The following NRXN1 variants were observed in gnomAD, a reference collection of about 807,000 sequenced individuals.
The protein encoded by NRXN1 is neurexin 1.
In NRXN1, 39 loss-of-function variants were observed where a neutral mutation model predicts 150.9. The observed-to-expected ratio is 0.26, with a 90% CI of 0.20 to 0.34. The LOEUF is 0.34. Among genes scored for constraint, NRXN1 ranks in the 10% least tolerant of loss-of-function variants. NRXN1 has a pLI of 1.00. For missense variants in NRXN1, 1,815 were observed against 1,949.9 expected (o/e 0.93, Z 1.30); for synonymous variants, 924 against 757.0 (o/e 1.22, Z -3.62).
intron 17 of NRXN1, among the ~76,000 whole-genome samples, chr2:50,451,020 A>T (rs577344004): frequency 6.6e-6 from 1 of 152,296 alleles, no homozygotes; most frequent in South Asian, 2.1e-4. Context: ...CCCTCTGTTG[A>T]GTGCAGTGGC....
chr2:50,872,855 C>T (rs1053560753), intron 5 of NRXN1, among the ~76,000 whole-genome samples: 1 of 151,688 alleles, frequency 6.6e-6, no homozygotes, highest in Non-Finnish European at 1.5e-5. Context: ...GTAGTCCTAG[C>T]TACATGTAGT....
chr2:50,069,937 A>G (rs1356221752), intron 19 of NRXN1, among the ~76,000 whole-genome samples: 2 of 143,256 alleles, frequency 1.4e-5, no homozygotes, highest in East Asian at 2.1e-4. Flanking sequence ...TGCAAGCTCC[A>G]CCTCCCGAGT....
chr2:50,503,323 AAAAG>A (rs1020799670), intron 13 of NRXN1, among the ~76,000 whole-genome samples: 3 of 151,894 alleles, frequency 2.0e-5, no homozygotes, highest in Non-Finnish European at 2.9e-5. Flanking sequence ...AACAAAAAAA[AAAAG>A]AAAGAAAGAA....
At chr2:50,273,670 A>G (rs2070015594) in intron 17 of NRXN1, among the ~76,000 whole-genome samples, 1 of 152,176 alleles carries the variant, frequency 6.6e-6, no homozygotes. Flanking sequence ...TTAGTCAAGT[A>G]TAACCTTAAT....
chr2:50,897,268 C>T (rs918021357), intron 5 of NRXN1, among the ~76,000 whole-genome samples: 2 of 152,152 alleles, frequency 1.3e-5, no homozygotes, highest in East Asian at 1.9e-4. Context: ...TAATGCCAAA[C>T]GTCGTACTGT....
intron 21 of NRXN1, among the ~76,000 whole-genome samples, chr2:49,990,760 C>G (rs182356462): frequency 6.6e-6 from 1 of 152,032 alleles, no homozygotes; most frequent in Admixed American, 6.6e-5. Context: ...TTCCTAATAC[C>G]TGATTCACAG....
At chr2:49,929,903 C>A (rs1669825594) in intron 22 of NRXN1, among the ~76,000 whole-genome samples, 1 of 152,134 alleles carries the variant, frequency 6.6e-6, no homozygotes. Context: ...AGGAATCACA[C>A]AGTTAAAGTA....
At chr2:50,479,489 G>A (rs982419183) in intron 15 of NRXN1, among the ~76,000 whole-genome samples, 1 of 152,060 alleles carries the variant, frequency 6.6e-6, no homozygotes, top group Non-Finnish European at 1.5e-5. Flanking sequence ...GTATGTGTAA[G>A]CCTTATGTAA....
rs550215688 is a variant in NRXN1, at chr2:50,038,005, G to T, written c.4128+15266C>A. On this transcript the variant is annotated intron_variant, in intron 21 of 22. Transcript: ENST00000401669. ...GTGAAAAGAAATTACTTGAAATGTA[G>T]TGGGCATTCTACATTTCAAGAAAGA... Among the ~76,000 whole-genome samples the T allele has an allele frequency of 2.6e-5, 4 of 152,236 alleles. No individual in the cohort carries two copies. The East Asian group carries it at 5.8e-4, about 22-fold the overall frequency.
intron 18 of NRXN1, among the ~76,000 whole-genome samples, chr2:50,198,194 A>G (rs2152830361): frequency 6.6e-6 from 1 of 152,288 alleles, no homozygotes; most frequent in African/African-American, 2.4e-5. Context: ...AAGCCTTGAA[A>G]GAATAAAGAA....
chr2:50,423,168 C>T (rs1191325428), intron 17 of NRXN1, among the ~76,000 whole-genome samples: 1 of 152,146 alleles, frequency 6.6e-6, no homozygotes, highest in African/African-American at 2.4e-5. Flanking sequence ...CCTTCTCTCA[C>T]CTGGAATTTT....
In NRXN1 at chr2:49,920,953, T is replaced by C. The variant is rs1668090428; in HGVS notation, c.*991A>G. ...ATCTTCCTTAGAATAAACACTACACTGTAATTTCTTTAAAAAATAAAAGTA... is the reference window on the plus strand; with the variant it reads ...ATCTTCCTTAGAATAAACACTACACCGTAATTTCTTTAAAAAATAAAAGTA... On this transcript the variant is annotated 3_prime_UTR_variant, in exon 23 of 23. Transcript: ENST00000401669. 1 of 138,232 alleles carries C rather than the reference T, an allele frequency of 7.2e-6. No individual in the cohort carries two copies. Among genetic ancestry groups the C allele is most frequent in the Non-Finnish European group, 1.6e-5 (1 of 63,580 alleles). 8.6% of individuals were successfully genotyped at this position (138,232 alleles called of 1,614,324 possible).
intron 21 of NRXN1, among the ~76,000 whole-genome samples, chr2:50,031,071 A>C (rs1421569): frequency 6.6e-6 from 1 of 152,012 alleles, no homozygotes; most frequent in Non-Finnish European, 1.5e-5. Flanking sequence ...AAGAACTCTT[A>C]AGTATGCAGC....
chr2:50,055,383 G>A (rs542904785), intron 19 of NRXN1, among the ~76,000 whole-genome samples: 64 of 152,154 alleles, frequency 4.2e-4, no homozygotes, highest in African/African-American at 1.5e-3. Flanking sequence ...TCTTTTTGAT[G>A]TTTCTTATTA....
chr2:50,233,011 G>A (rs188186541), intron 18 of NRXN1, among the ~76,000 whole-genome samples: 1 of 151,914 alleles, frequency 6.6e-6, no homozygotes, highest in East Asian at 2.0e-4. Context: ...CAGGAACCTG[G>A]AGGACTTTCT....
intron 17 of NRXN1, among the ~76,000 whole-genome samples, chr2:50,400,958 A>G (rs2082353126): frequency 6.6e-6 from 1 of 152,158 alleles, no homozygotes; most frequent in African/African-American, 2.4e-5. Flanking sequence ...GATCACCTTA[A>G]TGCAAAATCC....
chr2:51,020,239 G>T (rs1669386400), intron 2 of NRXN1, among the ~76,000 whole-genome samples: 1 of 151,342 alleles, frequency 6.6e-6, no homozygotes, highest in African/African-American at 2.4e-5. Context: ...TATCATCATA[G>T]ATTAGTTGTA....
At chr2:50,649,575 AC>A (rs780155742) in intron 5 of NRXN1, among the ~76,000 whole-genome samples, 1 of 151,560 alleles carries the variant, frequency 6.6e-6, no homozygotes, top group African/African-American at 2.4e-5. Flanking sequence ...ATTGTCTGTT[AC>A]CCCCTCTTTG....
intron 18 of NRXN1, among the ~76,000 whole-genome samples, chr2:50,233,872 T>A (rs1330351371): frequency 6.6e-6 from 1 of 152,058 alleles, no homozygotes; most frequent in Non-Finnish European, 1.5e-5. Flanking sequence ...CAAAATGGAC[T>A]CAAAGATACC....
Sources: gnomAD v4.1 joint callset for allele counts (sites outside exome capture counted in the v4.1 genomes callset) on GRCh38, gnomAD v4.1.1 for gene constraint, MANE v1.5 for transcripts, NCBI Gene and HGNC (gene_info 2026-07-23, HGNC 2026-07-21) for gene names.